LUZP1: variants seen among roughly 807,000 people sequenced by gnomAD.
The protein encoded by LUZP1 is leucine zipper protein 1, also known as filamin mechanobinding actin cross-linking protein.
Under a neutral mutation model 71.3 loss-of-function variants are expected in LUZP1, and 25 were observed. That is an observed-to-expected ratio of 0.35 (90% CI 0.26 to 0.49). LUZP1 has a LOEUF of 0.49. Among genes scored for constraint, LUZP1 ranks in the 20% least tolerant of loss-of-function variants. The pLI is 0.99. For missense variants in LUZP1, 1,142 were observed against 1,300.8 expected, an observed-to-expected ratio of 0.88 and a Z score of 1.88; for synonymous variants, 481 against 506.4, an observed-to-expected ratio of 0.95 and a Z score of 0.67.
chr1:23,109,076 GC>G (rs1243802948), exon 3 of LUZP1: 1 of 152,186 alleles, frequency 6.6e-6, no homozygotes, highest in African/African-American at 2.4e-5. Flanking sequence ...CCCTATGCTT[GC>G]TGTTTTGGAA....
exon 5 of LUZP1, chr1:23,088,157 C>G (rs893861152): frequency 1.3e-5 from 2 of 152,780 alleles, no homozygotes; most frequent in African/African-American, 4.8e-5. Context: ...AAAGGAGATG[C>G]ATGAGGCTTG....
intron 2 of LUZP1, among the ~76,000 whole-genome samples, chr1:23,162,434 A>G (rs1461921628): frequency 5.3e-5 from 8 of 151,550 alleles, no homozygotes; most frequent in Non-Finnish European, 2.9e-5. Context: ...ATAACGTAAT[A>G]TACTTTTATT....
At chr1:23,107,322 A>G (rs1013676653) in intron 3 of LUZP1, among the ~76,000 whole-genome samples, 5 of 152,072 alleles carry the variant, frequency 3.3e-5, no homozygotes, top group Non-Finnish European at 5.9e-5. Context: ...CTGTTTATTT[A>G]TTTATATCTA....
chr1:23,152,373 A>T (rs1307539321), intron 2 of LUZP1, among the ~76,000 whole-genome samples: 1 of 152,102 alleles, frequency 6.6e-6, no homozygotes, highest in Admixed American at 6.6e-5. Context: ...ATCCTGGGGC[A>T]ATTTTAGAGA....
At chr1:23,099,108 T>C (rs915279192) in intron 3 of LUZP1, among the ~76,000 whole-genome samples, 3 of 152,204 alleles carry the variant, frequency 2.0e-5, no homozygotes, top group African/African-American at 7.2e-5. Flanking sequence ...ACCTGCTTCC[T>C]CATTCTCAAA....
chr1:23,099,803 A>G (rs535269920), intron 3 of LUZP1, among the ~76,000 whole-genome samples: 14 of 152,322 alleles, frequency 9.2e-5, no homozygotes, highest in Non-Finnish European at 1.9e-4. Context: ...GGTATTACAC[A>G]CCACTGCTTA....
chr1:23,087,909 AAGG>A (rs1643791002), exon 5 of LUZP1: 1 of 152,604 alleles, frequency 6.6e-6, no homozygotes, highest in South Asian at 2.1e-4. Context: ...GGGGATGGAG[AAGG>A]AGGAACAGGA....
intron 2 of LUZP1, among the ~76,000 whole-genome samples, chr1:23,125,508 G>C (rs1318241011): frequency 1.3e-5 from 2 of 152,098 alleles, no homozygotes; most frequent in Non-Finnish European, 2.9e-5. Flanking sequence ...CTTAGTAACA[G>C]GTAAATAACT....
intron 2 of LUZP1, among the ~76,000 whole-genome samples, chr1:23,120,218 T>C (rs985124874): frequency 2.0e-5 from 3 of 150,100 alleles, no homozygotes; most frequent in Admixed American, 6.6e-5. Flanking sequence ...GCTGGAATTA[T>C]AGACATGAGA....
intron 2 of LUZP1, among the ~76,000 whole-genome samples, chr1:23,117,418 T>C (rs1432496158): frequency 2.0e-5 from 3 of 146,840 alleles, no homozygotes; most frequent in Admixed American, 2.0e-4. Context: ...TTAATTCAAT[T>C]TTCTTTTCAT....
rs66618384 is a variant in LUZP1, at chr1:23,096,130, GAA to G, written c.-119-1752_-119-1751del. On this transcript the variant is annotated intron_variant, in intron 3 of 4. Transcript: ENST00000302291. ...TGTTTAAAGTCATAAAAGAAGGAAT[GAA>G]AAAAAAAAAAAACAGGAGAAAGGAA... Among the ~76,000 whole-genome samples the G allele has an allele frequency of 5.6e-3, 748 of 134,404 alleles. 7 individuals are homozygous for G. Among genetic ancestry groups the G allele is most frequent in the African/African-American group, 0.016 (590 of 36,480 alleles). The allele number at this position is 134,404 out of a possible 152,430, so 88.2% of individuals were successfully genotyped here. A position where few individuals can be genotyped will look rare whatever the true frequency, so the allele number is the denominator to read the frequency against.
At chr1:23,108,029 G>C (rs1312988232) in intron 3 of LUZP1, among the ~76,000 whole-genome samples, 1 of 152,136 alleles carries the variant, frequency 6.6e-6, no homozygotes, top group Non-Finnish European at 1.5e-5. Context: ...TCCTAGGGAA[G>C]CTTTCTCTAA....
chr1:23,096,881 G>A (rs10799791), intron 3 of LUZP1, among the ~76,000 whole-genome samples: 113,660 of 152,026 alleles, frequency 0.75, 43,408 homozygotes, highest in Non-Finnish European at 0.83. Context: ...GCTGGGGCAC[G>A]ATAATTGCCT....
chr1:23,092,242 C>T lies in LUZP1; in HGVS notation c.2020G>A (p.Val674Ile). 1.2e-6 allele frequency: 2 copies of T among 1,614,066 alleles called. No individual in the cohort carries two copies. The highest frequency in any genetic ancestry group is 1.7e-6 in the Non-Finnish European group (2 of 1,179,952). Residue 674 changes from valine (V) to isoleucine (I), a missense_variant, in exon 4 of 5, where the codon GTA becomes ATA. Val to Ile is a conservative substitution (Grantham distance 29, BLOSUM62 3). Coordinates refer to ENST00000302291, the Ensembl canonical transcript of LUZP1. ...GGCTCTGGAGTGATGGTTGTATTTACCAACTTGGCAGTAACAAGAGATGCT... is the reference window on the plus strand; with the variant it reads ...GGCTCTGGAGTGATGGTTGTATTTATCAACTTGGCAGTAACAAGAGATGCT...
intron 2 of LUZP1, among the ~76,000 whole-genome samples, chr1:23,163,679 C>A (rs904180349): frequency 2.6e-5 from 4 of 151,844 alleles, no homozygotes; most frequent in Non-Finnish European, 5.9e-5. Context: ...TAGATGACAA[C>A]AGCAATGCCT....
At chr1:23,162,186 A>G (rs960409814) in intron 2 of LUZP1, among the ~76,000 whole-genome samples, 1 of 152,064 alleles carries the variant, frequency 6.6e-6, no homozygotes, top group African/African-American at 2.4e-5. Context: ...ACAAAAAAAG[A>G]GCAAAATAAT....
chr1:23,107,056 C>T (rs1180038118), intron 3 of LUZP1, among the ~76,000 whole-genome samples: 5 of 152,248 alleles, frequency 3.3e-5, no homozygotes, highest in Non-Finnish European at 7.3e-5. Context: ...GGTCCTTATA[C>T]ATGACCAGTT....
intron 3 of LUZP1, among the ~76,000 whole-genome samples, chr1:23,101,217 C>T (rs917101629): frequency 2.0e-5 from 3 of 152,206 alleles, no homozygotes; most frequent in Non-Finnish European, 2.9e-5. Flanking sequence ...CGTTACTCCA[C>T]GGAGGTTTTC....
chr1:23,173,669 C>G (rs1257717598), intron 1 of LUZP1, among the ~76,000 whole-genome samples: 1 of 152,022 alleles, frequency 6.6e-6, no homozygotes, highest in African/African-American at 2.4e-5. Flanking sequence ...TTTTGCTGTT[C>G]TGTGTGTGCA....
Sources: allele counts gnomAD v4.1 joint callset (sites outside exome capture counted in the v4.1 genomes callset), GRCh38; gene constraint gnomAD v4.1.1; transcripts MANE v1.5; gene names NCBI Gene and HGNC (gene_info 2026-07-23, HGNC 2026-07-21).